The following ST3GAL3 variants were observed in gnomAD, a reference collection of about 807,000 sequenced individuals.
ST3GAL3 encodes CMP-N-acetylneuraminate-beta-1,4-galactoside alpha-2,3-sialyltransferase.
A neutral mutation model predicts 50.1 loss-of-function variants in ST3GAL3; 21 were observed. That is an observed-to-expected ratio of 0.42 (90% CI 0.30 to 0.60). The LOEUF is 0.60. ST3GAL3 is among the 20% of genes least tolerant of loss of function. The pLI, the probability that ST3GAL3 is intolerant of heterozygous loss-of-function variation, is 0.19. For missense variants in ST3GAL3, 353 were observed against 489.4 expected, an observed-to-expected ratio of 0.72 and a Z score of 2.63; for synonymous variants, 183 against 190.0, an observed-to-expected ratio of 0.96 and a Z score of 0.30.
intron 3 of ST3GAL3, chr1:43,799,835 C>T (rs560444444): frequency 6.6e-6 from 1 of 152,264 alleles, no homozygotes; most frequent in Non-Finnish European, 1.5e-5. Flanking sequence ...TGCTGTCCCT[C>T]CTAATCCTCC....
intron 9 of ST3GAL3, among the ~76,000 whole-genome samples, chr1:43,918,096 G>A (rs1287152855): frequency 6.9e-6 from 1 of 145,818 alleles, no homozygotes; most frequent in Admixed American, 7.2e-5. Context: ...TGATAAAATA[G>A]ACATCTAAAT....
intron 3 of ST3GAL3, among the ~76,000 whole-genome samples, chr1:43,794,857 CAAATG>C (rs2058508341): frequency 6.6e-6 from 1 of 151,916 alleles, no homozygotes; most frequent in South Asian, 2.1e-4. Flanking sequence ...AGTTCAAAAA[CAAATG>C]AAATTAAACC....
chr1:43,832,878 C>T (rs74598795), intron 4 of ST3GAL3, among the ~76,000 whole-genome samples: 10,206 of 152,190 alleles, frequency 0.067, 367 homozygotes, highest in East Asian at 0.14. Context: ...GAATTCCCTC[C>T]TCTGTGGATG....
intron 5 of ST3GAL3, 115 bp downstream of exon 5, chr1:43,838,426 C>A: frequency 1.0e-6 from 1 of 995,946 alleles, no homozygotes; most frequent in Non-Finnish European, 1.6e-6. Flanking sequence ...ACCATGGGTT[C>A]CTGGAAAGGA....
At chr1:43,929,944 GA>G in intron 11 of ST3GAL3, 187 bp from the exon 12 acceptor site, 1 of 746,730 alleles carries the variant, frequency 1.3e-6, no homozygotes, top group Non-Finnish European at 2.5e-6. Flanking sequence ...AAGGGAGGAG[GA>G]TGAGCTGTGG....
intron 5 of ST3GAL3, among the ~76,000 whole-genome samples, chr1:43,876,051 T>A (rs1343542035): frequency 6.6e-6 from 1 of 151,684 alleles, no homozygotes; most frequent in African/African-American, 2.4e-5. Context: ...CACTGCAGCC[T>A]CGACATTCCA....
At chr1:43,875,938 C>A (rs201393121) in intron 5 of ST3GAL3, among the ~76,000 whole-genome samples, 199 of 45,808 alleles carry the variant, frequency 4.3e-3, no homozygotes, top group African/African-American at 0.011. Flanking sequence ...TCTTCTTCTT[C>A]TTCTTCTTCT....
intron 5 of ST3GAL3, among the ~76,000 whole-genome samples, chr1:43,879,804 C>T (rs2074786792): frequency 6.6e-6 from 1 of 152,240 alleles, no homozygotes; most frequent in Non-Finnish European, 1.5e-5. Flanking sequence ...CACCGTGACC[C>T]TGCGTATCAC....
chr1:43,873,374 A>G (rs1474745671), intron 5 of ST3GAL3, among the ~76,000 whole-genome samples: 3 of 152,238 alleles, frequency 2.0e-5, no homozygotes, highest in Non-Finnish European at 4.4e-5. Context: ...TGAAGATGCC[A>G]TTTACCAAGA....
intron 3 of ST3GAL3, among the ~76,000 whole-genome samples, chr1:43,809,674 G>C (rs1353176726): frequency 6.6e-6 from 1 of 151,352 alleles, no homozygotes; most frequent in Non-Finnish European, 1.5e-5. Flanking sequence ...TCCAGGCTGG[G>C]CTATGGGTTG....
intron 3 of ST3GAL3, among the ~76,000 whole-genome samples, chr1:43,812,555 A>G (rs1175900816): frequency 1.3e-5 from 2 of 152,206 alleles, no homozygotes; most frequent in Non-Finnish European, 2.9e-5. Flanking sequence ...TCGATCTCCC[A>G]GGCTCACGCC....
In ST3GAL3 at chr1:43,857,769, C is replaced by T. The variant is rs550013558; in HGVS notation, c.302+19458C>T. 7.9e-5 allele frequency among the ~76,000 whole-genome samples: 12 copies of T among 152,172 alleles called. No individual in the cohort carries two copies. The South Asian group carries it at 2.5e-3, about 32-fold the overall frequency. ...TAGCTAGGATTACAGGTGCCCGCCACTATGTCCAGCTAATTTTTGTATCTT... is the reference window on the plus strand; with the variant it reads ...TAGCTAGGATTACAGGTGCCCGCCATTATGTCCAGCTAATTTTTGTATCTT... On this transcript the variant is annotated intron_variant, in intron 5 of 11. Transcript: ENST00000347631.
chr1:43,859,084 T>A (rs1373621036), intron 5 of ST3GAL3, among the ~76,000 whole-genome samples: 1 of 151,678 alleles, frequency 6.6e-6, no homozygotes, highest in Non-Finnish European at 1.5e-5. Context: ...GCCCCCAGAG[T>A]GTGGATGAGA....
intron 2 of ST3GAL3, chr1:43,736,967 A>G (rs1454951146): frequency 4.8e-6 from 1 of 209,718 alleles, no homozygotes; most frequent in Non-Finnish European, 9.6e-6. Context: ...TGTGTTACAT[A>G]GTGTTTTCCA....
chr1:43,867,804 A>T (rs927306738), intron 5 of ST3GAL3, among the ~76,000 whole-genome samples: 3 of 152,174 alleles, frequency 2.0e-5, no homozygotes, highest in African/African-American at 7.2e-5. Context: ...TAATTTTTTA[A>T]GGAAGAAGAA....
chr1:43,896,305 C>G (rs1372918802), intron 6 of ST3GAL3, among the ~76,000 whole-genome samples: 1 of 152,150 alleles, frequency 6.6e-6, no homozygotes, highest in Non-Finnish European at 1.5e-5. Context: ...CCTCTGCCTC[C>G]TTTAAAAAAG....
At position 43,858,084 on chromosome 1, in the gene ST3GAL3, T is replaced by G. The variant is rs576904678; in HGVS notation, c.302+19773T>G. ...GTTTTTGAAGTGAATAGGGCTGGGT[T>G]GCTCAACCTTTCTGAGCCTCACCTT... is the stretch of plus-strand genomic sequence containing the variant. On this transcript the variant is annotated intron_variant, in intron 5 of 11. Coordinates refer to ENST00000347631, the MANE Select transcript of ST3GAL3 (RefSeq NM_006279.5). 9 of 1,272,730 alleles carry G rather than the reference T, an allele frequency of 7.1e-6. No individual in the cohort carries two copies. In the South Asian group the frequency reaches 9.9e-5, roughly 14 times the overall value. The allele number at this position is 1,272,730 out of a possible 1,614,324, so 78.8% of individuals were successfully genotyped here.
intron 4 of ST3GAL3, 110 bp downstream of exon 4, chr1:43,815,043 C>T: frequency 9.2e-7 from 1 of 1,084,880 alleles, no homozygotes. Context: ...GGGGGACTCC[C>T]TGGGGCCTCT....
At chr1:43,745,418 T>A (rs775509576) in intron 2 of ST3GAL3, among the ~76,000 whole-genome samples, 25 of 148,254 alleles carry the variant, frequency 1.7e-4, no homozygotes, top group Non-Finnish European at 3.0e-4. Context: ...AATGTCAGAT[T>A]TGAAGAGGTA....
Sources: gnomAD v4.1 joint callset for allele counts (sites outside exome capture counted in the v4.1 genomes callset) on GRCh38, gnomAD v4.1.1 for gene constraint, MANE v1.5 for transcripts, NCBI Gene and HGNC (gene_info 2026-07-23, HGNC 2026-07-21) for gene names.